The following PCDH7 variants were observed in gnomAD, a reference collection of about 807,000 sequenced individuals.
The protein encoded by PCDH7 is protocadherin-7.
In PCDH7, 17 loss-of-function variants were observed where a neutral mutation model predicts 58.9. That is an observed-to-expected ratio of 0.29 (90% CI 0.20 to 0.43). The LOEUF (loss-of-function observed/expected upper bound fraction) is 0.43, where lower values mean the gene tolerates loss of function less well. Among genes scored for constraint, PCDH7 ranks in the 20% least tolerant of loss-of-function variants. The pLI, the probability that PCDH7 is intolerant of heterozygous loss-of-function variation, is 1.00. For missense variants in PCDH7, 1,274 were observed against 1,441.0 expected (o/e 0.88, Z 1.88); for synonymous variants, 664 against 616.4 (o/e 1.08, Z -1.14).
intron 3 of PCDH7, among the ~76,000 whole-genome samples, chr4:31,036,203 T>C (rs368803986): frequency 4.6e-5 from 7 of 152,326 alleles, no homozygotes; most frequent in African/African-American, 1.7e-4. Flanking sequence ...TTTGTATTTT[T>C]GAGATGGAGT....
At chr4:30,794,684 T>C (rs769569311) in intron 1 of PCDH7, among the ~76,000 whole-genome samples, 2 of 152,114 alleles carry the variant, frequency 1.3e-5, no homozygotes, top group African/African-American at 2.4e-5. Context: ...TTTTTTTTAG[T>C]AGGGATTTTT....
At chr4:31,138,017 C>T (rs1719819384) in intron 3 of PCDH7, among the ~76,000 whole-genome samples, 1 of 152,092 alleles carries the variant, frequency 6.6e-6, no homozygotes, top group South Asian at 2.1e-4. Flanking sequence ...GAACTGTCTT[C>T]AAGTCTTAAT....
Position 31,094,596 on chromosome 4 carries a change from G to A in PCDH7, c.*8-47877G>A, listed in dbSNP as rs143816673. 2.0e-5 allele frequency among the ~76,000 whole-genome samples: 3 copies of A among 152,278 alleles called. No individual in the cohort carries two copies. The East Asian group carries it at 5.8e-4, about 29-fold the overall frequency. ...GTGATCAACAGAAGCAAATCAGCAAGGCACATCCAGCAGTGGGACTGGGAG... is the reference window on the plus strand; with the variant it reads ...GTGATCAACAGAAGCAAATCAGCAAAGCACATCCAGCAGTGGGACTGGGAG... On this transcript the variant is annotated intron_variant, in intron 3 of 3. Transcript: ENST00000509759.
At chr4:31,044,604 A>T (rs972403260) in intron 3 of PCDH7, among the ~76,000 whole-genome samples, 1 of 151,970 alleles carries the variant, frequency 6.6e-6, no homozygotes, top group African/African-American at 2.4e-5. Context: ...TAATGATTTA[A>T]TATATGTGGG....
At chr4:30,886,586 G>C (rs1431699071) in intron 1 of PCDH7, among the ~76,000 whole-genome samples, 24 of 149,012 alleles carry the variant, frequency 1.6e-4, no homozygotes, top group South Asian at 8.4e-4. Context: ...GGATCTAGAA[G>C]TAGAAATACC....
intron 1 of PCDH7, among the ~76,000 whole-genome samples, chr4:30,742,424 G>A (rs1014035949): frequency 1.3e-5 from 2 of 152,104 alleles, no homozygotes; most frequent in Non-Finnish European, 2.9e-5. Context: ...TATGCACATC[G>A]TGAAGGAAGA....
chr4:31,126,010 C>T (rs1196448318), intron 3 of PCDH7, among the ~76,000 whole-genome samples: 3 of 152,114 alleles, frequency 2.0e-5, no homozygotes, highest in African/African-American at 7.2e-5. Flanking sequence ...TGCCACTCAG[C>T]AGATGCAAGC....
chr4:31,120,462 A>T (rs1467697901), intron 3 of PCDH7, among the ~76,000 whole-genome samples: 3 of 95,170 alleles, frequency 3.2e-5, no homozygotes, highest in Non-Finnish European at 6.2e-5. Context: ...TTTTTTGGTC[A>T]ATCTGTATGT....
At chr4:30,747,673 AT>A (rs1159393039) in intron 1 of PCDH7, among the ~76,000 whole-genome samples, 1 of 152,178 alleles carries the variant, frequency 6.6e-6, no homozygotes, top group Non-Finnish European at 1.5e-5. Context: ...ATCCAAGACA[AT>A]TTTATTTTCA....
chr4:30,866,197 T>C (rs1253155955), intron 1 of PCDH7, among the ~76,000 whole-genome samples: 1 of 152,102 alleles, frequency 6.6e-6, no homozygotes, highest in African/African-American at 2.4e-5. Context: ...AAGCTGGTTC[T>C]ATATCAAGAA....
intron 2 of PCDH7, among the ~76,000 whole-genome samples, chr4:30,928,144 C>T (rs1046862726): frequency 2.6e-5 from 4 of 152,078 alleles, no homozygotes; most frequent in Non-Finnish European, 4.4e-5. Flanking sequence ...AGGCTGTTCT[C>T]AAACTCCTGG....
intron 3 of PCDH7, among the ~76,000 whole-genome samples, chr4:30,965,801 A>G (rs1470391219): frequency 6.6e-6 from 1 of 152,132 alleles, no homozygotes; most frequent in Non-Finnish European, 1.5e-5. Context: ...GAAGTTTTAT[A>G]GTATTTCAAG....
chr4:30,975,544 A>G (rs1208128798), intron 3 of PCDH7, among the ~76,000 whole-genome samples: 1 of 152,074 alleles, frequency 6.6e-6, no homozygotes, highest in Non-Finnish European at 1.5e-5. Context: ...TATCTGGCCC[A>G]TCTGTTTTAT....
chr4:30,899,200 T>A lies in PCDH7; in HGVS notation c.71-20953T>A, dbSNP rs139762487. Among the ~76,000 whole-genome samples the A allele has an allele frequency of 2.5e-3, 374 of 152,274 alleles. 2 individuals carry two copies. Among genetic ancestry groups the A allele is most frequent in the African/African-American group, 8.4e-3 (351 of 41,562 alleles). On this transcript the variant is annotated intron_variant, in intron 1 of 3. Coordinates refer to the PCDH7 transcript ENST00000509759. ...TTTTTTACGCTACAGATTTTGAGAATGACTGTCCAGAACAATGCAAATTCT... is the reference window on the plus strand; with the variant it reads ...TTTTTTACGCTACAGATTTTGAGAAAGACTGTCCAGAACAATGCAAATTCT...
intron 3 of PCDH7, among the ~76,000 whole-genome samples, chr4:31,039,228 G>T (rs10939327): frequency 0.24 from 36,218 of 152,058 alleles, 4,574 homozygotes; most frequent in South Asian, 0.33. Flanking sequence ...ACAGTGTTAG[G>T]ATATTTGAAT....
At chr4:30,942,807 A>G (rs920975241) in intron 2 of PCDH7, among the ~76,000 whole-genome samples, 1 of 151,966 alleles carries the variant, frequency 6.6e-6, no homozygotes, top group Admixed American at 6.6e-5. Flanking sequence ...TATTGTTGAA[A>G]TCTAATTTCA....
At chr4:30,843,309 C>CT (rs1011438913) in intron 1 of PCDH7, among the ~76,000 whole-genome samples, 3 of 152,094 alleles carry the variant, frequency 2.0e-5, no homozygotes, top group African/African-American at 4.8e-5. Context: ...TCAAGTGATT[C>CT]TCCTGCCTCT....
intron 3 of PCDH7, among the ~76,000 whole-genome samples, chr4:31,075,102 G>C (rs968192240): frequency 4.6e-5 from 7 of 152,116 alleles, no homozygotes; most frequent in Non-Finnish European, 1.0e-4. Context: ...AGATAAAAGT[G>C]ATGGAATTAT....
At chr4:30,898,654 G>A (rs1408212797) in intron 1 of PCDH7, among the ~76,000 whole-genome samples, 5 of 152,104 alleles carry the variant, frequency 3.3e-5, no homozygotes, top group Admixed American at 2.6e-4. Context: ...GCAGTGGCGC[G>A]ATCTAAGCTC....
Sources: allele counts gnomAD v4.1 joint callset (sites outside exome capture counted in the v4.1 genomes callset), GRCh38; gene constraint gnomAD v4.1.1; transcripts MANE v1.5; gene names NCBI Gene and HGNC (gene_info 2026-07-23, HGNC 2026-07-21).